SCLY: variants seen among roughly 807,000 people sequenced by gnomAD.
The protein encoded by SCLY is selenocysteine lyase.
A neutral mutation model predicts 50.1 loss-of-function variants in SCLY; 38 were observed. The ratio of observed to expected loss-of-function variants is 0.76; its 90% CI spans 0.59 to 0.99. The LOEUF (loss-of-function observed/expected upper bound fraction) is 0.99. Among genes scored for constraint, SCLY ranks in the 50% least tolerant of loss-of-function variants. The pLI, the probability that SCLY is intolerant of heterozygous loss-of-function variation, is 0.00. For missense variants in SCLY, 600 were observed against 620.0 expected (o/e 0.97, Z 0.34); for synonymous variants, 243 against 249.4 (o/e 0.97, Z 0.24).
chr2:238,073,821 T>A (rs1472758782), intron 4 of SCLY: 1 of 459,278 alleles, frequency 2.2e-6, no homozygotes, highest in Non-Finnish European at 4.4e-6. Flanking sequence ...AAGACCTTTA[T>A]GATGATCTGC....
chr2:238,082,920 CTT>C (rs3835105), intron 6 of SCLY: 8,329 of 280,964 alleles, frequency 0.03, 1 homozygote, highest in East Asian at 0.061. Context: ...CATTCTCTTT[CTT>C]TTTTTTTTTT....
intron 4 of SCLY, among the ~76,000 whole-genome samples, chr2:238,074,237 C>T (rs941951268): frequency 2.0e-5 from 3 of 151,240 alleles, no homozygotes; most frequent in African/African-American, 7.3e-5. Flanking sequence ...ACCCGGAAGG[C>T]GGAGGCTGTA....
At chr2:238,095,334 C>T (rs1287360269) in intron 10 of SCLY, among the ~76,000 whole-genome samples, 1 of 152,230 alleles carries the variant, frequency 6.6e-6, no homozygotes, top group Non-Finnish European at 1.5e-5. Flanking sequence ...CTGGTCTGCC[C>T]TGACTCCCTG....
rs577470934 is a variant in SCLY, at chr2:238,061,006, T to G, written c.-49T>G. On this transcript the variant is annotated 5_prime_UTR_variant, in exon 1 of 12. Transcript: ENST00000254663. ...CCTCCTCCCCGGCGCTCTGGGCCCGTAGCGCTCCGCGGGAAGGAGGCTGGA... is the reference window on the plus strand; with the variant it reads ...CCTCCTCCCCGGCGCTCTGGGCCCGGAGCGCTCCGCGGGAAGGAGGCTGGA... 1.5e-6 allele frequency: 2 copies of G among 1,319,808 alleles called. No individual in the cohort carries two copies. The highest frequency in any genetic ancestry group is 1.9e-6 in the Non-Finnish European group (2 of 1,028,874). The allele number at this position is 1,319,808 out of a possible 1,614,324, so 81.8% of individuals were successfully genotyped here.
Position 238,068,090 on chromosome 2 carries a change from T to C in SCLY, c.228T>C (p.Asn76=), listed in dbSNP as rs752983477. ...SAGRKAKDII[N]AARESLAKMI... Reference sequence around the variant, plus strand: ...GAAGAAAGGCCAAGGATATTATAAATGCAGCTCGGGAAAGCCTCGCGAAGA... The same window carrying C: ...GAAGAAAGGCCAAGGATATTATAAACGCAGCTCGGGAAAGCCTCGCGAAGA... Residue 76 remains asparagine (N), a synonymous_variant, in exon 3 of 12, where the codon AAT becomes AAC. Transcript: ENST00000254663. 1 of 1,612,868 alleles carries C rather than the reference T, an allele frequency of 6.2e-7. No homozygotes were observed. The highest frequency in any genetic ancestry group is 1.1e-5 in the South Asian group (1 of 90,644).
Position 238,069,727 on chromosome 2 carries a change from T to C in SCLY, c.484+250T>C. ...GCTGCCACAAGGGGGTTGGCAAGTG[T>C]GGCCAAACTTTCCCTTAGGAAGTTC... On this transcript the variant is annotated intron_variant, in intron 4 of 11. Transcript: ENST00000254663. The surrounding 1 kb of genome is among the most constrained non-coding windows in gnomAD (Gnocchi z 5.0). 1 of 415,380 alleles carries C rather than the reference T, an allele frequency of 2.4e-6. No homozygotes were observed. 25.7% of individuals were successfully genotyped at this position (415,380 alleles called of 1,614,324 possible).
chr2:238,076,046 CT>C (rs34627467), intron 4 of SCLY, among the ~76,000 whole-genome samples: 15,933 of 132,610 alleles, frequency 0.12, 1,449 homozygotes, highest in African/African-American at 0.26. Context: ...TGATTTGTTC[CT>C]TTTTTTTTTT....
intron 4 of SCLY, chr2:238,080,163 ACT>A (rs1451758682): frequency 1.3e-5 from 2 of 150,952 alleles, no homozygotes; most frequent in Non-Finnish European, 3.0e-5. Flanking sequence ...TATCTTGAGG[ACT>A]CTCTATTTGA....
chr2:238,062,309 C>G (rs2065025913), intron 1 of SCLY, among the ~76,000 whole-genome samples: 2 of 152,198 alleles, frequency 1.3e-5, no homozygotes, highest in Middle Eastern at 3.4e-3. Context: ...CATGCAAAGT[C>G]AAGCCGGGCT....
At chr2:238,070,617 T>C (rs996116685) in intron 4 of SCLY, among the ~76,000 whole-genome samples, 2 of 152,070 alleles carry the variant, frequency 1.3e-5, no homozygotes, top group African/African-American at 4.8e-5. Flanking sequence ...GAGATGGAGA[T>C]TGCTGTGAGC....
intron 7 of SCLY, among the ~76,000 whole-genome samples, chr2:238,090,567 C>G (rs34106838): frequency 0.21 from 31,785 of 152,118 alleles, 3,506 homozygotes; most frequent in South Asian, 0.34. Flanking sequence ...TTGAACCCGG[C>G]AGGTGGAGGA....
chr2:238,069,308 A>G lies in SCLY; in HGVS notation c.315A>G (p.Leu105=), dbSNP rs752414541. Residue 105 remains leucine (L), a synonymous_variant, in exon 4 of 12, where the codon TTA becomes TTG. Transcript: ENST00000254663. The surrounding 1 kb of genome is among the most constrained non-coding windows in gnomAD (Gnocchi z 5.0). Reference sequence around the variant, plus strand: ...CTGTATCTCTGCAGTCAAATAATTTAGTAATCCATTCTGTGGTGAAACATT... The same window carrying G: ...CTGTATCTCTGCAGTCAAATAATTTGGTAATCCATTCTGTGGTGAAACATT... ...FTSGGTESNN[L]VIHSVVKHFH... The G allele has an allele frequency of 6.2e-7, 1 of 1,613,432 alleles. No homozygotes were observed. The highest frequency in any genetic ancestry group is 8.5e-7 in the Non-Finnish European group (1 of 1,179,736).
At chr2:238,079,348 A>G (rs1227230675) in intron 4 of SCLY, 2 of 152,212 alleles carry the variant, frequency 1.3e-5, no homozygotes, top group African/African-American at 4.8e-5. Flanking sequence ...GCTTACAGGC[A>G]TGAGCCAGTG....
chr2:238,074,495 G>GT (rs2065154557), intron 4 of SCLY, among the ~76,000 whole-genome samples: 1 of 151,942 alleles, frequency 6.6e-6, no homozygotes, highest in African/African-American at 2.4e-5. Flanking sequence ...GTTTAGTTTT[G>GT]TTTTTTTGAG....
intron 9 of SCLY, 38 bp downstream of exon 9, chr2:238,093,982 G>T: frequency 6.3e-7 from 1 of 1,575,588 alleles, no homozygotes; most frequent in Non-Finnish European, 8.7e-7. Flanking sequence ...GAGGGGGAGG[G>T]TGCGTGGGGC....
rs773133410 is a variant in SCLY, at chr2:238,096,868, C to T, written c.1176C>T (p.His392=). 92 of 1,610,096 alleles carry T rather than the reference C, an allele frequency of 5.7e-5. No homozygotes were observed. Among genetic ancestry groups the T allele is most frequent in the Non-Finnish European group, 7.1e-5 (84 of 1,178,430 alleles). The change falls in exon 11 of 12, where the codon CAC becomes CAT. Residue 392 remains histidine (H), a synonymous_variant. Coordinates refer to ENST00000254663, the MANE Select transcript of SCLY (RefSeq NM_016510.7). ...ASVGAACHSD[H]GDQPSPVLLS... is the part of the protein sequence containing the mutation. The stretch of plus-strand genomic sequence containing the variant: ...TGGGGGCCGCGTGCCACTCGGACCA[C>T]GGGGACCAGTAAGTGCTCTTCACAA...
intron 4 of SCLY, among the ~76,000 whole-genome samples, chr2:238,076,069 G>T (rs1313547787): frequency 3.1e-5 from 4 of 128,148 alleles, no homozygotes; most frequent in Admixed American, 1.7e-4. Flanking sequence ...TTTTTACAGT[G>T]TCTTAAGGTG....
rs892244837 is a variant in SCLY at position 238,069,167 on chromosome 2, C to T, written c.304-130C>T. The T allele has an allele frequency of 7.3e-5, 58 of 795,630 alleles. No homozygotes were observed. The African/African-American group carries it at 8.5e-4, about 12-fold the overall frequency. 49.3% of individuals were successfully genotyped at this position (795,630 alleles called of 1,614,324 possible). ...ACCCCAAATCTTTCAAAAGGTCCCA[C>T]TCAGGAAGTTGAATTTCTTTGAAGC... On this transcript the variant is annotated intron_variant, in intron 3 of 11. Transcript: ENST00000254663. This position sits in a 1 kb window ranked among gnomAD's most constrained non-coding sequence, Gnocchi z 5.0.
chr2:238,098,139 G>T (rs555193808), intron 11 of SCLY, 63 bp from the exon 12 acceptor site: 3 of 1,571,756 alleles, frequency 1.9e-6, no homozygotes, highest in Non-Finnish European at 8.6e-7. Flanking sequence ...TCCAGAGCAG[G>T]GGGGGCTGTG....
Sources: allele counts gnomAD v4.1 joint callset (sites outside exome capture counted in the v4.1 genomes callset), GRCh38; gene constraint gnomAD v4.1.1; non-coding constraint Gnocchi (gnomAD v3.1); transcripts MANE v1.5; gene names NCBI Gene and HGNC (gene_info 2026-07-23, HGNC 2026-07-21).